Variants in GRM8 observed in about 807,000 individuals in gnomAD.
GRM8 encodes metabotropic glutamate receptor 8.
A neutral mutation model predicts 87.2 loss-of-function variants in GRM8; 47 were observed. The ratio of observed to expected loss-of-function variants is 0.54; its 90% confidence interval spans 0.43 to 0.69. The LOEUF is 0.69. Among genes scored for constraint, GRM8 ranks in the 30% least tolerant of loss-of-function variants. The pLI is 0.00. For synonymous variants in GRM8, 396 were observed against 404.5 expected (o/e 0.98, Z 0.25); for missense variants, 1,019 against 1,139.2 (o/e 0.89, Z 1.52).
intron 9 of GRM8, among the ~76,000 whole-genome samples, chr7:126,518,624 A>G (rs1454969496): frequency 6.6e-6 from 1 of 152,056 alleles, no homozygotes; most frequent in East Asian, 1.9e-4. Context: ...TGTGAATGCA[A>G]TTGATTAAGG....
chr7:127,016,389 CA>C (rs1310983303), intron 3 of GRM8, among the ~76,000 whole-genome samples: 6 of 151,848 alleles, frequency 4.0e-5, no homozygotes, highest in Admixed American at 3.9e-4. Context: ...TTATGCATTC[CA>C]AAAACAACAC....
At chr7:127,118,854 C>A (rs891648272) in intron 2 of GRM8, among the ~76,000 whole-genome samples, 1 of 152,194 alleles carries the variant, frequency 6.6e-6, no homozygotes, top group African/African-American at 2.4e-5. Flanking sequence ...ATCTACAACT[C>A]CTTTATGGTT....
chr7:126,474,942 G>C (rs550557472), intron 9 of GRM8, among the ~76,000 whole-genome samples: 5 of 152,182 alleles, frequency 3.3e-5, no homozygotes, highest in African/African-American at 1.2e-4. Context: ...ATCCTTTCAT[G>C]ATAAAAATAA....
intron 2 of GRM8, among the ~76,000 whole-genome samples, chr7:127,109,070 C>A (rs1826092644): frequency 6.6e-6 from 1 of 152,120 alleles, no homozygotes; most frequent in African/African-American, 2.4e-5. Flanking sequence ...CTACCACCCG[C>A]AAATTAAACC....
intron 7 of GRM8, among the ~76,000 whole-genome samples, chr7:126,617,822 G>A (rs1799677729): frequency 6.6e-6 from 1 of 152,152 alleles, no homozygotes; most frequent in Non-Finnish European, 1.5e-5. Flanking sequence ...ACTTACAAGG[G>A]ATGTGAAGGA....
At chr7:127,010,489 C>A (rs563494866) in intron 3 of GRM8, among the ~76,000 whole-genome samples, 1 of 152,094 alleles carries the variant, frequency 6.6e-6, no homozygotes, top group Admixed American at 6.6e-5. Flanking sequence ...ATATATAAAA[C>A]CAAACAAGAA....
intron 3 of GRM8, among the ~76,000 whole-genome samples, chr7:127,002,329 G>A (rs914860675): frequency 3.3e-5 from 5 of 151,658 alleles, no homozygotes; most frequent in African/African-American, 1.2e-4. Flanking sequence ...AAGCTGGAAT[G>A]TGGGTATAAA....
At chr7:126,622,431 C>T (rs1297393113) in intron 7 of GRM8, among the ~76,000 whole-genome samples, 1 of 152,124 alleles carries the variant, frequency 6.6e-6, no homozygotes, top group Non-Finnish European at 1.5e-5. Flanking sequence ...GTCATTCCGG[C>T]TTGCTTCATA....
intron 9 of GRM8, among the ~76,000 whole-genome samples, chr7:126,470,961 A>G (rs1044874729): frequency 2.6e-5 from 4 of 151,972 alleles, no homozygotes; most frequent in African/African-American, 7.3e-5. Context: ...GCATTTTTTC[A>G]TGTGTTTTTT....
chr7:126,554,200 C>T (rs569348090), intron 8 of GRM8, among the ~76,000 whole-genome samples: 2 of 151,696 alleles, frequency 1.3e-5, no homozygotes, highest in South Asian at 4.2e-4. Flanking sequence ...TAAATACAGA[C>T]ATAAGATTTT....
At chr7:126,866,580 ATTTTTTTTTTT>A (rs59013947) in intron 6 of GRM8, among the ~76,000 whole-genome samples, 3 of 68,028 alleles carry the variant, frequency 4.4e-5, no homozygotes, top group African/African-American at 6.5e-5. Flanking sequence ...CTTTGACTCA[ATTTTTTTTTTT>A]TTTTTTTTTT....
At chr7:126,802,706 C>G (rs982159369) in intron 6 of GRM8, among the ~76,000 whole-genome samples, 3 of 152,174 alleles carry the variant, frequency 2.0e-5, no homozygotes, top group Non-Finnish European at 4.4e-5. Context: ...TTATCCTAAC[C>G]ATGCCTATTT....
At chr7:126,466,169 GTAC>G in intron 9 of GRM8, among the ~76,000 whole-genome samples, 1 of 151,384 alleles carries the variant, frequency 6.6e-6, no homozygotes. Context: ...CTTAAAAAAG[GTAC>G]TTTTTTTTTA....
chr7:127,199,920 T>C (rs1053733905), intron 2 of GRM8, among the ~76,000 whole-genome samples: 2 of 152,220 alleles, frequency 1.3e-5, no homozygotes, highest in African/African-American at 4.8e-5. Flanking sequence ...GCTTTGCTTT[T>C]TTTGCGGATA....
chr7:126,477,376 T>C (rs774768561), intron 9 of GRM8, among the ~76,000 whole-genome samples: 1 of 152,022 alleles, frequency 6.6e-6, no homozygotes, highest in Non-Finnish European at 1.5e-5. Context: ...ATCTTAAGTG[T>C]TCTCACCTGA....
intron 8 of GRM8, among the ~76,000 whole-genome samples, chr7:126,582,041 T>C (rs1394836571): frequency 6.6e-6 from 1 of 152,178 alleles, no homozygotes; most frequent in Non-Finnish European, 1.5e-5. Context: ...AAGACATATC[T>C]AACTTTAAAT....
intron 3 of GRM8, among the ~76,000 whole-genome samples, chr7:127,032,747 A>T (rs942568668): frequency 2.6e-5 from 4 of 152,148 alleles, no homozygotes; most frequent in Admixed American, 1.3e-4. Context: ...CCCAGTATGG[A>T]TCTCTTCCAG....
At chr7:126,946,702 A>G (rs1232714323) in intron 3 of GRM8, among the ~76,000 whole-genome samples, 1 of 152,188 alleles carries the variant, frequency 6.6e-6, no homozygotes, top group Non-Finnish European at 1.5e-5. Flanking sequence ...TACAGACCCA[A>G]ACTGAGACCA....
chr7:126,882,451 CAAT>C (rs1397705364), intron 6 of GRM8, among the ~76,000 whole-genome samples: 3 of 151,932 alleles, frequency 2.0e-5, no homozygotes, highest in African/African-American at 7.3e-5. Flanking sequence ...CTTCTTATTA[CAAT>C]ATATTAACAT....
Sources: gnomAD v4.1 joint callset for allele counts (sites outside exome capture counted in the v4.1 genomes callset) on GRCh38, gnomAD v4.1.1 for gene constraint, MANE v1.5 for transcripts, NCBI Gene and HGNC (gene_info 2026-07-23, HGNC 2026-07-21) for gene names.